The following GLI3 variants were observed in gnomAD, a reference collection of about 807,000 sequenced individuals.
The protein encoded by GLI3 is GLI family zinc finger 3.
Under a neutral mutation model 100.8 loss-of-function variants are expected in GLI3, and 20 were observed. That is an observed-to-expected ratio of 0.20 (90% CI 0.14 to 0.29). GLI3 has a LOEUF of 0.29. GLI3 is among the 10% of genes least tolerant of loss of function. The pLI is 1.00. For synonymous variants in GLI3, 938 were observed against 860.5 expected (o/e 1.09, Z -1.58); for missense variants, 2,040 against 2,128.5 (o/e 0.96, Z 0.82).
At chr7:41,969,040 C>G (rs1047364110) in intron 13 of GLI3, among the ~76,000 whole-genome samples, 5 of 152,320 alleles carry the variant, frequency 3.3e-5, no homozygotes, top group Admixed American at 2.0e-4. Context: ...TGCCCAATAT[C>G]TGGGGATTAC....
chr7:42,049,330 T>C (rs3801162), intron 4 of GLI3, among the ~76,000 whole-genome samples: 2 of 152,042 alleles, frequency 1.3e-5, no homozygotes, highest in Non-Finnish European at 2.9e-5. Flanking sequence ...GGCCTCGCAG[T>C]GGTAAGTAAA....
At chr7:42,017,627 T>A (rs1323291667) in intron 10 of GLI3, among the ~76,000 whole-genome samples, 1 of 152,192 alleles carries the variant, frequency 6.6e-6, no homozygotes, top group Non-Finnish European at 1.5e-5. Flanking sequence ...CAATTCAAAC[T>A]TTTTGCTTTC....
chr7:42,186,800 ACC>A (rs752645186), intron 2 of GLI3, among the ~76,000 whole-genome samples: 1 of 152,246 alleles, frequency 6.6e-6, no homozygotes, highest in Non-Finnish European at 1.5e-5. Context: ...ACTTTTATAA[ACC>A]ACCACATCTC....
At chr7:42,172,117 G>C (rs1190576510) in intron 2 of GLI3, among the ~76,000 whole-genome samples, 1 of 152,026 alleles carries the variant, frequency 6.6e-6, no homozygotes, top group Admixed American at 6.6e-5. Context: ...CTTAAACATA[G>C]TGACATGGGA....
intron 3 of GLI3, among the ~76,000 whole-genome samples, chr7:42,114,635 A>G (rs1785802324): frequency 6.6e-6 from 1 of 152,172 alleles, no homozygotes. Context: ...TACCTGTATT[A>G]ACTCTTCCAG....
intron 3 of GLI3, among the ~76,000 whole-genome samples, chr7:42,093,003 G>A (rs1374359864): frequency 6.6e-6 from 1 of 151,704 alleles, no homozygotes; most frequent in African/African-American, 2.4e-5. Flanking sequence ...TACCAGAGAC[G>A]AGGTTTCACC....
chr7:41,972,009 A>C lies in GLI3; in HGVS notation c.2103+328T>G, dbSNP rs1384239039. Reference sequence around the variant, plus strand: ...TACCTTGGGGTCACCAGGGCAAAGAAGACAGAAAGCATGTTTACAGGAAGA... The same window carrying C: ...TACCTTGGGGTCACCAGGGCAAAGACGACAGAAAGCATGTTTACAGGAAGA... On this transcript the variant is annotated intron_variant, in intron 13 of 14. Transcript: ENST00000395925. The surrounding 1 kb of genome is among the most constrained non-coding windows in gnomAD (Gnocchi z 4.4). Among the ~76,000 whole-genome samples, 1 of 152,248 alleles carries C rather than the reference A, an allele frequency of 6.6e-6. No homozygotes were observed. The highest frequency in any genetic ancestry group is 1.5e-5 in the Non-Finnish European group (1 of 68,054).
intron 13 of GLI3, among the ~76,000 whole-genome samples, chr7:41,969,378 A>G (rs1419928358): frequency 6.6e-6 from 1 of 152,214 alleles, no homozygotes; most frequent in African/African-American, 2.4e-5. Flanking sequence ...TGGAATGCAC[A>G]GTGCCACCAG....
chr7:42,003,057 C>T (rs1788351589), intron 10 of GLI3, among the ~76,000 whole-genome samples: 1 of 152,192 alleles, frequency 6.6e-6, no homozygotes. Flanking sequence ...CTGTTTCATT[C>T]ACTGATGTAT....
intron 2 of GLI3, among the ~76,000 whole-genome samples, chr7:42,202,000 T>G (rs962219791): frequency 2.0e-5 from 3 of 147,814 alleles, no homozygotes; most frequent in Non-Finnish European, 4.4e-5. Context: ...GAGAATCGCT[T>G]GAACCCAGGA....
intron 10 of GLI3, among the ~76,000 whole-genome samples, chr7:41,987,692 A>G (rs1279747426): frequency 2.6e-5 from 4 of 152,208 alleles, no homozygotes; most frequent in Non-Finnish European, 5.9e-5. Flanking sequence ...AGTATGCAAA[A>G]TAGTGCATGA....
intron 10 of GLI3, among the ~76,000 whole-genome samples, chr7:41,990,342 A>G (rs1787949457): frequency 6.6e-6 from 1 of 152,186 alleles, no homozygotes; most frequent in Admixed American, 6.5e-5. Flanking sequence ...GCATATAGGT[A>G]TTACTAGTAA....
chr7:42,138,840 C>T (rs1313317172), intron 3 of GLI3, among the ~76,000 whole-genome samples: 1 of 152,232 alleles, frequency 6.6e-6, no homozygotes, highest in Non-Finnish European at 1.5e-5. Flanking sequence ...ACGACGTAAA[C>T]ACCCCGCTTC....
chr7:42,075,331 G>C (rs1784857862), intron 4 of GLI3, among the ~76,000 whole-genome samples: 1 of 152,158 alleles, frequency 6.6e-6, no homozygotes, highest in Admixed American at 6.5e-5. Flanking sequence ...TCCAGTCTGG[G>C]AGGAATTAGC....
At chr7:42,151,919 T>A (rs1288959072) in intron 2 of GLI3, 1 of 148,440 alleles carries the variant, frequency 6.7e-6, no homozygotes. Context: ...AAAAGTGGGG[T>A]CCTTGCAAGC....
intron 1 of GLI3, among the ~76,000 whole-genome samples, chr7:42,262,987 G>T (rs538646281): frequency 1.3e-5 from 2 of 151,808 alleles, no homozygotes; most frequent in Non-Finnish European, 2.9e-5. Flanking sequence ...CACAGGATAT[G>T]GTCTTTGGCG....
At chr7:42,176,523 C>A (rs1787483293) in intron 2 of GLI3, among the ~76,000 whole-genome samples, 1 of 152,154 alleles carries the variant, frequency 6.6e-6, no homozygotes, top group South Asian at 2.1e-4. Context: ...CCCAGAGAGG[C>A]ACAAGCCCAT....
At chr7:42,154,698 G>T (rs529068547) in intron 2 of GLI3, among the ~76,000 whole-genome samples, 1 of 152,180 alleles carries the variant, frequency 6.6e-6, no homozygotes, top group Non-Finnish European at 1.5e-5. Context: ...GCAGAATTAC[G>T]CTAGGAAGGG....
Position 41,977,692 on chromosome 7 carries a change from G to T in GLI3, c.1678C>A (p.Leu560Ile). The T allele has an allele frequency of 6.2e-7, 1 of 1,614,002 alleles. No homozygotes were observed. Among genetic ancestry groups the T allele is most frequent in the Non-Finnish European group, 8.5e-7 (1 of 1,179,914 alleles). ...CTCAAGTGTGTTTTCAAGTTTTCTA[G>T]TCTCGAGTAGGCCTTTGTGCAACCT... The part of the protein sequence containing the change: ...FEGCTKAYSR[L>I]ENLKTHLRSH... The change falls in exon 12 of 15, where the codon CTA becomes ATA. Residue 560 changes from leucine to isoleucine, a missense_variant. Leu to Ile is a conservative substitution (Grantham distance 5). This residue lies in a region of GLI3 where 61 missense variants were observed against 150.9 expected (regional missense o/e 0.40). Transcript: ENST00000395925.
Sources: gnomAD v4.1 joint callset for allele counts (sites outside exome capture counted in the v4.1 genomes callset) on GRCh38, gnomAD v4.1.1 for gene constraint, gnomAD v4.1.1 regional missense constraint, Gnocchi (gnomAD v3.1) non-coding constraint, MANE v1.5 for transcripts, NCBI Gene and HGNC (gene_info 2026-07-23, HGNC 2026-07-21) for gene names.